ANKRD30B: variants seen among roughly 807,000 people sequenced by gnomAD.
ANKRD30B encodes the protein ankyrin repeat domain-containing protein 30B.
In ANKRD30B, 144 loss-of-function variants were observed where a neutral mutation model predicts 202.2. That is an observed-to-expected ratio of 0.71 (90% CI 0.62 to 0.82). The LOEUF is 0.82. ANKRD30B is among the 40% of genes least tolerant of loss of function. The pLI is 0.00. For missense variants in ANKRD30B, 1,487 were observed against 1,669.1 expected (o/e 0.89, Z 1.90); for synonymous variants, 508 against 561.3 (o/e 0.91, Z 1.34).
In ANKRD30B at chr18:14,780,091, A is replaced by G. The variant is rs1967627954; in HGVS notation, c.1482+70A>G. 3.3e-6 allele frequency: 4 copies of G among 1,214,448 alleles called. No homozygotes were observed. The South Asian group carries it at 5.5e-5, about 17-fold the overall frequency. The allele number at this position is 1,214,448 out of a possible 1,614,324, so 75.2% of individuals were successfully genotyped here. ...TTGAGTGATGTGAAAATGCAAAATCAGAGGCTTTGACTTGGTTCTCTTACC... is the reference window on the plus strand; with the variant it reads ...TTGAGTGATGTGAAAATGCAAAATCGGAGGCTTTGACTTGGTTCTCTTACC... On this transcript the variant is annotated intron_variant, in intron 11 of 43. Coordinates refer to ENST00000690538, the MANE Select transcript of ANKRD30B (RefSeq NM_001367607.2).
chr18:14,796,456 A>G, intron 18 of ANKRD30B, 41 bp downstream of exon 18: 1 of 1,509,176 alleles, frequency 6.6e-7, no homozygotes, highest in Non-Finnish European at 8.9e-7. Flanking sequence ...AATTAAGAAT[A>G]TTAAACTATT....
At chr18:14,788,540 C>T (rs1380229080) in intron 15 of ANKRD30B, among the ~76,000 whole-genome samples, 6 of 152,066 alleles carry the variant, frequency 3.9e-5, no homozygotes, top group African/African-American at 4.8e-5. Context: ...GCTATCCCTC[C>T]CCGCTCCCCC....
chr18:14,940,217 A>C, the ANKRD30B span, among the ~76,000 whole-genome samples: 3 of 152,338 alleles, frequency 2.0e-5, no homozygotes, highest in Non-Finnish European at 4.4e-5. Context: ...AATGTCACCC[A>C]GCCTCCCTGC....
the ANKRD30B span, among the ~76,000 whole-genome samples, chr18:14,882,525 A>G: frequency 6.6e-6 from 1 of 152,218 alleles, no homozygotes; most frequent in Admixed American, 6.5e-5. Flanking sequence ...ATGGCCTATC[A>G]TATGGTCTAT....
At chr18:14,785,179 T>C (rs1968005293) in intron 14 of ANKRD30B, among the ~76,000 whole-genome samples, 1 of 152,244 alleles carries the variant, frequency 6.6e-6, no homozygotes, top group Non-Finnish European at 1.5e-5. Context: ...TAGAGTCTTT[T>C]TACACTAACC....
intron 34 of ANKRD30B, among the ~76,000 whole-genome samples, chr18:14,834,848 C>T (rs1437336488): frequency 2.0e-5 from 3 of 151,930 alleles, no homozygotes; most frequent in Non-Finnish European, 4.4e-5. Context: ...TTAATTCTTA[C>T]TTCTTTTAGT....
chr18:14,762,124 T>C (rs1567984633), intron 6 of ANKRD30B, among the ~76,000 whole-genome samples: 1 of 152,214 alleles, frequency 6.6e-6, no homozygotes, highest in East Asian at 1.9e-4. Flanking sequence ...TTATTATACA[T>C]AAAGGTCTTC....
At chr18:14,764,141 T>C in intron 7 of ANKRD30B, 51 bp downstream of exon 7, 1 of 1,424,732 alleles carries the variant, frequency 7.0e-7, no homozygotes, top group Non-Finnish European at 9.2e-7. Flanking sequence ...TTGGGTTCCC[T>C]AGTGAAAAAA....
the ANKRD30B span, among the ~76,000 whole-genome samples, chr18:14,904,800 C>T: frequency 6.6e-6 from 1 of 152,136 alleles, no homozygotes; most frequent in Non-Finnish European, 1.5e-5. Flanking sequence ...AAGTTACAGG[C>T]AAAGACATAA....
intron 24 of ANKRD30B, 125 bp from the exon 25 acceptor site, chr18:14,808,426 A>G (rs11662772): frequency 0.046 from 48,666 of 1,058,090 alleles, 2,215 homozygotes; most frequent in Non-Finnish European, 0.059. Context: ...AAAGACCCCA[A>G]AACCTAGTGT....
intron 6 of ANKRD30B, among the ~76,000 whole-genome samples, 189 bp from the exon 7 acceptor site, chr18:14,763,497 C>A (rs144246835): frequency 0.051 from 7,743 of 152,014 alleles, 671 homozygotes; most frequent in African/African-American, 0.18. Context: ...TTGCATTGAG[C>A]TGAGATCATG....
chr18:14,792,439 A>G (rs1302562331), intron 16 of ANKRD30B, among the ~76,000 whole-genome samples: 2 of 152,132 alleles, frequency 1.3e-5, no homozygotes, highest in African/African-American at 2.4e-5. Context: ...AAGAAAAAGG[A>G]AAGAGTGTGT....
intron 10 of ANKRD30B, among the ~76,000 whole-genome samples, 199 bp downstream of exon 10, chr18:14,778,274 G>A (rs1847447520): frequency 2.0e-5 from 3 of 152,162 alleles, no homozygotes; most frequent in African/African-American, 7.2e-5. Flanking sequence ...TGAATTATTA[G>A]TTTAAATTCA....
At chr18:14,784,283 T>G (rs1158920449) in intron 12 of ANKRD30B, 53 bp from the exon 13 acceptor site, 1 of 1,554,044 alleles carries the variant, frequency 6.4e-7, no homozygotes, top group Admixed American at 1.7e-5. Context: ...ATTCACTCGG[T>G]TGGCTTTGTC....
chr18:14,826,689 T>TCACACACACACACA (rs1324783952), intron 32 of ANKRD30B, among the ~76,000 whole-genome samples: 6 of 22,628 alleles, frequency 2.7e-4, no homozygotes, highest in African/African-American at 4.6e-4. Flanking sequence ...TCTCTCTCTC[T>TCACACACACACACA]CTCTCACACA....
At chr18:14,866,219 G>T in the ANKRD30B span, among the ~76,000 whole-genome samples, 2 of 152,234 alleles carry the variant, frequency 1.3e-5, no homozygotes, top group African/African-American at 4.8e-5. Flanking sequence ...CTCTGTTCCC[G>T]GCTTAGAGGA....
At position 14,851,620 on chromosome 18, in the gene ANKRD30B, G is replaced by A. The variant is rs1971889048; in HGVS notation, c.3676G>A (p.Val1226Met). 2 of 1,611,686 alleles carry A rather than the reference G, an allele frequency of 1.2e-6. No individual in the cohort carries two copies. Among genetic ancestry groups the A allele is most frequent in the Admixed American group, 1.7e-5 (1 of 59,626 alleles). ...AGCCACACTGAAACATCAACACCAG[G>A]TGAAGGAAAATAAATACTTTGAGGA... Reference protein sequence around the residue: ...EVATLKHQHQVKENKYFEDIK... With the variant: ...EVATLKHQHQMKENKYFEDIK... Residue 1226 changes from valine to methionine, a missense_variant, in exon 42 of 44, where the codon GTG becomes ATG. This residue lies in a region of ANKRD30B where 177 missense variants were observed against 216.4 expected (regional missense o/e 0.82). Coordinates refer to ENST00000690538, the MANE Select transcript of ANKRD30B (RefSeq NM_001367607.2).
the ANKRD30B span, among the ~76,000 whole-genome samples, chr18:14,863,028 T>A: frequency 1.2e-3 from 179 of 152,346 alleles, no homozygotes; most frequent in African/African-American, 4.0e-3. Context: ...TTGGCTTTGA[T>A]CTTATAGGCT....
chr18:14,775,606 G>A lies in ANKRD30B; in HGVS notation c.1330-2379G>A, dbSNP rs540377880. ...AAACTATAATAACAACAATTTGGTC[G>A]AGTAGTATTTTAATAAGTAGACATT... On this transcript the variant is annotated intron_variant, in intron 9 of 43. Coordinates refer to ENST00000690538, the MANE Select transcript of ANKRD30B (RefSeq NM_001367607.2). Among the ~76,000 whole-genome samples, 144 of 152,304 alleles carry A rather than the reference G, an allele frequency of 9.5e-4. 1 individual carries two copies. The highest frequency in any genetic ancestry group is 3.3e-3 in the African/African-American group (138 of 41,578).
Sources: gnomAD v4.1 joint callset for allele counts (sites outside exome capture counted in the v4.1 genomes callset) on GRCh38, gnomAD v4.1.1 for gene constraint, gnomAD v4.1.1 regional missense constraint, MANE v1.5 for transcripts, NCBI Gene and HGNC (gene_info 2026-07-23, HGNC 2026-07-21) for gene names.